HS3ST1: variants seen among roughly 807,000 people sequenced by gnomAD.
HS3ST1 encodes heparan sulfate-glucosamine 3-sulfotransferase 1.
A neutral mutation model predicts 20.7 loss-of-function variants in HS3ST1; 8 were observed. The observed-to-expected ratio is 0.39, with a 90% CI of 0.23 to 0.70. The LOEUF is 0.70. Ranked by LOEUF, HS3ST1 falls within the 30% of genes least tolerant of loss-of-function variation. The pLI is 0.46. For missense variants in HS3ST1, 436 were observed against 423.4 expected (o/e 1.03, Z -0.26); for synonymous variants, 205 against 190.4 (o/e 1.08, Z -0.63).
chr4:11,414,626 A>G (rs187969185), intron 1 of HS3ST1, among the ~76,000 whole-genome samples: 149 of 152,326 alleles, frequency 9.8e-4, no homozygotes, highest in African/African-American at 3.1e-3. Flanking sequence ...CCAGATTGAT[A>G]TCAAATCTAA....
Position 11,399,257 on chromosome 4 carries a change from T to G in HS3ST1, c.749A>C (p.Lys250Thr). The G allele has an allele frequency of 6.2e-7, 1 of 1,614,186 alleles. No individual in the cohort carries two copies. The highest frequency in any genetic ancestry group is 8.5e-7 in the Non-Finnish European group (1 of 1,180,032). ...CCGCAGGCAGTAAAAGCCCTTGGTT[T>G]TGTTAAAGTAGAAGTTCGAAGCATT... ...QINASNFYFNKTKGFYCLRDS... is the reference protein window; with the variant it reads ...QINASNFYFNTTKGFYCLRDS... The change falls in exon 2 of 2, where the codon AAA becomes ACA. Residue 250 changes from lysine to threonine, a missense_variant. By Grantham distance (78) the Lys-to-Thr change is moderately conservative. Coordinates refer to ENST00000002596, the MANE Select transcript of HS3ST1 (RefSeq NM_005114.4). The surrounding 1 kb of genome is among the most constrained non-coding windows in gnomAD (Gnocchi z 5.1).
At chr4:11,410,505 G>A (rs224460) in intron 1 of HS3ST1, among the ~76,000 whole-genome samples, 54,875 of 152,088 alleles carry the variant, frequency 0.36, 10,413 homozygotes, top group African/African-American at 0.46. Flanking sequence ...AAGATATGCT[G>A]TGGGGAGCAC....
At chr4:11,425,294 G>T (rs1198567939) in intron 1 of HS3ST1, among the ~76,000 whole-genome samples, 2 of 152,190 alleles carry the variant, frequency 1.3e-5, no homozygotes, top group African/African-American at 4.8e-5. Flanking sequence ...GGGGACCCGG[G>T]TCATCTCGTG....
intron 1 of HS3ST1, among the ~76,000 whole-genome samples, chr4:11,410,404 C>T (rs921924438): frequency 6.6e-6 from 1 of 152,148 alleles, no homozygotes; most frequent in African/African-American, 2.4e-5. Flanking sequence ...AAAACTTGGC[C>T]ATTGCTCAGA....
chr4:11,416,722 G>T (rs765675791), intron 1 of HS3ST1, among the ~76,000 whole-genome samples: 1 of 152,202 alleles, frequency 6.6e-6, no homozygotes, highest in Non-Finnish European at 1.5e-5. Flanking sequence ...AAAGCTTCAG[G>T]CCAGGTGACC....
chr4:11,419,233 G>A (rs1718862557), intron 1 of HS3ST1, among the ~76,000 whole-genome samples: 1 of 151,452 alleles, frequency 6.6e-6, no homozygotes, highest in Non-Finnish European at 1.5e-5. Flanking sequence ...CCCCCTCACT[G>A]TTCCTTCCAT....
At chr4:11,433,931 C>T (rs1477063391), upstream of HS3ST1, among the ~76,000 whole-genome samples, 1 of 152,204 alleles carries the variant, frequency 6.6e-6, no homozygotes, top group Admixed American at 6.5e-5. Context: ...GACTCTCAGA[C>T]CCTTACCTCT....
chr4:11,403,331 A>C (rs1230114970), intron 1 of HS3ST1, among the ~76,000 whole-genome samples: 2 of 152,236 alleles, frequency 1.3e-5, no homozygotes, highest in African/African-American at 4.8e-5. Context: ...TGGCACAGAA[A>C]GGATTTCTGG....
chr4:11,409,143 A>G (rs571758983), intron 1 of HS3ST1, among the ~76,000 whole-genome samples: 108 of 152,322 alleles, frequency 7.1e-4, no homozygotes, highest in African/African-American at 2.5e-3. Context: ...GGGTCTCCCA[A>G]TTTGCATCTT....
At chr4:11,410,132 A>G (rs890742956) in intron 1 of HS3ST1, among the ~76,000 whole-genome samples, 5 of 152,228 alleles carry the variant, frequency 3.3e-5, no homozygotes, top group African/African-American at 7.2e-5. Context: ...TGATCACTCA[A>G]ACTCTTACAA....
chr4:11,397,042 C>T lies in HS3ST1; in HGVS notation c.*2040G>A, dbSNP rs1350127369. The T allele has an allele frequency of 6.6e-5, 10 of 152,262 alleles. No individual in the cohort carries two copies. Among genetic ancestry groups the T allele is most frequent in the Admixed American group, 6.5e-4 (10 of 15,290 alleles). 9.4% of individuals were successfully genotyped at this position (152,262 alleles called of 1,614,324 possible). ...AGAGACTCTCATTGCAGTTTCCTTT[C>T]AGTCACCATATTCCTGAACAGGCTT... On this transcript the variant is annotated 3_prime_UTR_variant, in exon 2 of 2. Coordinates refer to ENST00000002596, the MANE Select transcript of HS3ST1 (RefSeq NM_005114.4).
chr4:11,432,434 G>A (rs1031036450), upstream of HS3ST1, among the ~76,000 whole-genome samples: 4 of 152,178 alleles, frequency 2.6e-5, no homozygotes, highest in African/African-American at 9.7e-5. Flanking sequence ...ATTTAGATGA[G>A]GTACTAATGG....
At position 11,399,965 on chromosome 4, in the gene HS3ST1, T is replaced by A; in HGVS notation, c.41A>T (p.Gln14Leu). ...LLLGAVLLVA[Q>L]PQLVPSRPAE... is the part of the protein sequence containing the mutation. ...GGGGCGGGAAGGCACTAGCTGGGGC[T>A]GGGCCACCAGCAGCACCGCGCCCAG... Residue 14 changes from glutamine to leucine, a missense_variant, in exon 2 of 2, where the codon CAG becomes CTG. Gln to Leu is a moderately radical substitution (Grantham distance 113, BLOSUM62 -2). Transcript: ENST00000002596. This position sits in a 1 kb window ranked among gnomAD's most constrained non-coding sequence, Gnocchi z 5.1. 1.3e-6 allele frequency: 2 copies of A among 1,554,164 alleles called. No individual in the cohort carries two copies. Among genetic ancestry groups the A allele is most frequent in the South Asian group, 2.3e-5 (2 of 85,894 alleles).
At chr4:11,411,510 C>T (rs1401802037) in intron 1 of HS3ST1, among the ~76,000 whole-genome samples, 2 of 152,160 alleles carry the variant, frequency 1.3e-5, no homozygotes, top group African/African-American at 4.8e-5. Flanking sequence ...TTACTTTAAA[C>T]AGGAGGTGCT....
intron 1 of HS3ST1, among the ~76,000 whole-genome samples, chr4:11,407,425 A>G (rs1718496872): frequency 6.6e-6 from 1 of 152,154 alleles, no homozygotes. Flanking sequence ...TAACTGGATA[A>G]TAAATTGAAT....
At chr4:11,404,358 A>G (rs552943307) in intron 1 of HS3ST1, among the ~76,000 whole-genome samples, 3 of 152,334 alleles carry the variant, frequency 2.0e-5, no homozygotes, top group East Asian at 1.9e-4. Flanking sequence ...CCTAATCACT[A>G]TATAAAATTA....
At chr4:11,408,654 G>A (rs1402323466) in intron 1 of HS3ST1, among the ~76,000 whole-genome samples, 1 of 152,218 alleles carries the variant, frequency 6.6e-6, no homozygotes, top group South Asian at 2.1e-4. Context: ...AGGCAGCAGT[G>A]ACCTAAATAA....
upstream of HS3ST1, among the ~76,000 whole-genome samples, chr4:11,430,905 C>A (rs748819196): frequency 2.0e-5 from 3 of 152,184 alleles, no homozygotes; most frequent in Non-Finnish European, 4.4e-5. Context: ...TTCTTACATT[C>A]AGATAAATAA....
chr4:11,413,842 AG>A (rs1318411480), intron 1 of HS3ST1, among the ~76,000 whole-genome samples: 6 of 152,218 alleles, frequency 3.9e-5, no homozygotes, highest in Non-Finnish European at 5.9e-5. Context: ...GATAAGAAGA[AG>A]GATAGCAGAG....
Sources: allele counts gnomAD v4.1 joint callset (sites outside exome capture counted in the v4.1 genomes callset), GRCh38; gene constraint gnomAD v4.1.1; non-coding constraint Gnocchi (gnomAD v3.1); transcripts MANE v1.5; gene names NCBI Gene and HGNC (gene_info 2026-07-23, HGNC 2026-07-21).